Variants in HHIPL1 observed in about 807,000 individuals in gnomAD.
HHIPL1 encodes HHIP-like protein 1.
A neutral mutation model predicts 61.8 loss-of-function variants in HHIPL1; 43 were observed. That is an observed-to-expected ratio of 0.70 (90% CI 0.55 to 0.90). HHIPL1 has a LOEUF of 0.90. Ranked by LOEUF, HHIPL1 falls within the 40% of genes least tolerant of loss-of-function variation. The pLI is 0.00. For synonymous variants in HHIPL1, 482 were observed against 515.8 expected (o/e 0.93, Z 0.89); for missense variants, 1,056 against 1,157.7 (o/e 0.91, Z 1.28).
chr14:99,645,609 C>A (rs1023026055), intron 1 of HHIPL1, 147 bp downstream of exon 1: 1 of 892,520 alleles, frequency 1.1e-6, no homozygotes, highest in Admixed American at 4.5e-5. Context: ...TGGCACGGGG[C>A]GGGGAGACCG....
Position 99,675,400 on chromosome 14 carries a change from G to C in HHIPL1, c.2123G>C (p.Gly708Ala), listed in dbSNP as rs2056377660. ...TGCGACGACTCCTGGAACATCAGCG[G>C]CGCCGCCGTCGTGTGTCGCCAGCTG... Reference protein sequence around the residue: ...TVCDDSWNISGAAVVCRQLGF... With the variant: ...TVCDDSWNISAAAVVCRQLGF... Residue 708 changes from glycine (G) to alanine (A), a missense_variant, in exon 9 of 9, where the codon GGC becomes GCC. By Grantham distance (60) the Gly-to-Ala change is moderately conservative (BLOSUM62 0). Coordinates refer to ENST00000330710, the MANE Select transcript of HHIPL1 (RefSeq NM_001127258.3). This position sits in a 1 kb window ranked among gnomAD's most constrained non-coding sequence, Gnocchi z 5.4. 6.5e-7 allele frequency: 1 copy of C among 1,527,644 alleles called. No individual in the cohort carries two copies. The highest frequency in any genetic ancestry group is 8.8e-7 in the Non-Finnish European group (1 of 1,140,856). 94.6% of individuals were successfully genotyped at this position (1,527,644 alleles called of 1,614,324 possible).
intron 8 of HHIPL1, 104 bp from the exon 9 acceptor site, chr14:99,674,987 C>CGTA (rs1476096630): frequency 1.8e-6 from 1 of 542,152 alleles, no homozygotes; most frequent in Non-Finnish European, 2.5e-6. Context: ...CATCCTTCCC[C>CGTA]GAGTCTGCGC....
In HHIPL1 at chr14:99,652,743, A is replaced by C; in HGVS notation, c.775A>C (p.Ser259Arg). Residue 259 changes from serine to arginine, a missense_variant, in exon 2 of 9, where the codon AGC becomes CGC. By Grantham distance (110) the Ser-to-Arg change is moderately radical. Coordinates refer to ENST00000330710, the MANE Select transcript of HHIPL1 (RefSeq NM_001127258.3). Reference sequence around the variant, plus strand: ...CTTCCTGGGCATTGCCTTCCACCCCAGCTTCCAGCACAACCGCAGGCTCTA... The same window carrying C: ...CTTCCTGGGCATTGCCTTCCACCCCCGCTTCCAGCACAACCGCAGGCTCTA... ...RGFLGIAFHP[S>R]FQHNRRLYVY... 1.2e-6 allele frequency: 2 copies of C among 1,614,010 alleles called. No homozygotes were observed. The highest frequency in any genetic ancestry group is 4.5e-5 in the East Asian group (2 of 44,872).
At chr14:99,650,958 G>T (rs1393664538) in intron 1 of HHIPL1, among the ~76,000 whole-genome samples, 1 of 147,702 alleles carries the variant, frequency 6.8e-6, no homozygotes, top group East Asian at 2.0e-4. Flanking sequence ...TCGCTATAAA[G>T]AAATACCTGG....
chr14:99,614,094 C>T, the HHIPL1 span, among the ~76,000 whole-genome samples: 1 of 152,136 alleles, frequency 6.6e-6, no homozygotes, highest in Non-Finnish European at 1.5e-5. Context: ...GCTGCACTCC[C>T]TCTCTGAGCC....
chr14:99,633,754 G>A, the HHIPL1 span, among the ~76,000 whole-genome samples: 9 of 152,092 alleles, frequency 5.9e-5, no homozygotes, highest in Non-Finnish European at 1.3e-4. Context: ...AGGAGAGCAG[G>A]CAGCCTCCGC....
the HHIPL1 span, among the ~76,000 whole-genome samples, chr14:99,632,801 G>A: frequency 6.6e-6 from 1 of 152,138 alleles, no homozygotes; most frequent in Non-Finnish European, 1.5e-5. Context: ...TCCTTTGGAG[G>A]CCTAAGTCAG....
At chr14:99,614,803 G>C in the HHIPL1 span, among the ~76,000 whole-genome samples, 1 of 152,164 alleles carries the variant, frequency 6.6e-6, no homozygotes, top group East Asian at 1.9e-4. Context: ...GGTTTCCGGA[G>C]GCCAGGATAG....
In HHIPL1 at chr14:99,660,827, G is replaced by T. The variant is rs1176547752; in HGVS notation, c.1502+421G>T. Among the ~76,000 whole-genome samples the T allele has an allele frequency of 6.6e-6, 1 of 152,158 alleles. No homozygotes were observed. The highest frequency in any genetic ancestry group is 2.4e-5 in the African/African-American group (1 of 41,426). On this transcript the variant is annotated intron_variant, in intron 5 of 8. Coordinates refer to ENST00000330710, the MANE Select transcript of HHIPL1 (RefSeq NM_001127258.3). This position sits in a 1 kb window ranked among gnomAD's most constrained non-coding sequence, Gnocchi z 4.9. ...CTTGTCACTGCAACAGCTGATGGGG[G>T]CCTGGAGCCCTGCCCCACCCCACCC...
the HHIPL1 span, among the ~76,000 whole-genome samples, chr14:99,632,234 T>C: frequency 0.59 from 90,015 of 152,056 alleles, 27,721 homozygotes; most frequent in South Asian, 0.73. Flanking sequence ...AACTCTTGCA[T>C]TGGGGTAGAT....
At chr14:99,604,576 T>G in the HHIPL1 span, 5 of 152,010 alleles carry the variant, frequency 3.3e-5, 1 homozygote, top group Non-Finnish European at 5.9e-5. Context: ...GGACGCGGCC[T>G]TAGCCAATCC....
chr14:99,669,855 G>A (rs931690888), intron 7 of HHIPL1, among the ~76,000 whole-genome samples: 1 of 152,190 alleles, frequency 6.6e-6, no homozygotes, highest in African/African-American at 2.4e-5. Context: ...AACTCAGGAG[G>A]TCGAGGCTGC....
At chr14:99,605,286 A>AC in the HHIPL1 span, among the ~76,000 whole-genome samples, 1 of 145,916 alleles carries the variant, frequency 6.9e-6, no homozygotes, top group Non-Finnish European at 1.5e-5. Context: ...GCCTCGCGGG[A>AC]CCCCCGGGCT....
rs745872004 is a variant in HHIPL1 at position 99,668,895 on chromosome 14, G to A, written c.1730+592G>A. The stretch of plus-strand genomic sequence containing the variant: ...CTCCTTCCGTGTGCAGCTCATTGAC[G>A]TCTCAGCCGTTCATTTTACAGTGGT... On this transcript the variant is annotated intron_variant, in intron 7 of 8. Transcript: ENST00000330710. This position sits in a 1 kb window ranked among gnomAD's most constrained non-coding sequence, Gnocchi z 4.7. 5.0e-6 allele frequency: 8 copies of A among 1,613,934 alleles called. No individual in the cohort carries two copies. Among genetic ancestry groups the A allele is most frequent in the Admixed American group, 1.7e-5 (1 of 60,030 alleles).
Position 99,657,141 on chromosome 14 carries a change from CAAGT to C in HHIPL1, c.1046_1046+3del, listed in dbSNP as rs1566810397. 3 of 1,612,644 alleles carry C rather than the reference CAAGT, an allele frequency of 1.9e-6. No homozygotes were observed. Among genetic ancestry groups the C allele is most frequent in the Non-Finnish European group, 2.5e-6 (3 of 1,179,508 alleles). On this transcript the variant is annotated splice_donor_variant and coding_sequence_variant, in exon 3 of 9. Coordinates refer to ENST00000330710, the MANE Select transcript of HHIPL1 (RefSeq NM_001127258.3). LOFTEE classifies it high-confidence loss of function. ...TTGGGACATTTGGAAATGCCCAAAACAAGTATGTTCAGCTTTTGATTGGCTTGTG... is the reference window on the plus strand; with the variant it reads ...TTGGGACATTTGGAAATGCCCAAAACATGTTCAGCTTTTGATTGGCTTGTG...
At chr14:99,614,380 A>G in the HHIPL1 span, among the ~76,000 whole-genome samples, 1 of 152,192 alleles carries the variant, frequency 6.6e-6, no homozygotes, top group African/African-American at 2.4e-5. Context: ...AGGAAGCTCC[A>G]TCTCAGCACC....
At chr14:99,633,968 C>G in the HHIPL1 span, among the ~76,000 whole-genome samples, 1 of 152,212 alleles carries the variant, frequency 6.6e-6, no homozygotes, top group African/African-American at 2.4e-5. Context: ...TGTCTCCATG[C>G]AGGGCTGTAG....
At chr14:99,642,611 C>T (rs146557355), upstream of HHIPL1, among the ~76,000 whole-genome samples, 2 of 151,668 alleles carry the variant, frequency 1.3e-5, no homozygotes, top group Non-Finnish European at 2.9e-5. Context: ...TTGCAAGTTC[C>T]GCCTCCTGGG....
intron 1 of HHIPL1, 36 bp from the exon 2 acceptor site, chr14:99,652,188 C>A: frequency 6.5e-7 from 1 of 1,546,722 alleles, no homozygotes; most frequent in Admixed American, 1.8e-5. Context: ...GTAAGCACCT[C>A]CACAAAACAT....
Sources: allele counts gnomAD v4.1 joint callset (sites outside exome capture counted in the v4.1 genomes callset), GRCh38; gene constraint gnomAD v4.1.1; non-coding constraint Gnocchi (gnomAD v3.1); transcripts MANE v1.5; gene names NCBI Gene and HGNC (gene_info 2026-07-23, HGNC 2026-07-21).